Variants in NPEPPS observed in about 807,000 individuals in gnomAD.
The protein encoded by NPEPPS is puromycin-sensitive aminopeptidase.
In NPEPPS, 14 loss-of-function variants were observed where a neutral mutation model predicts 115.5. The ratio of observed to expected loss-of-function variants is 0.12; its 90% CI spans 0.08 to 0.19. The LOEUF (loss-of-function observed/expected upper bound fraction) is 0.19. Ranked by LOEUF, NPEPPS falls within the 10% of genes least tolerant of loss-of-function variation. NPEPPS has a pLI of 1.00. For synonymous variants in NPEPPS, 285 were observed against 390.6 expected (o/e 0.73, Z 3.19); for missense variants, 523 against 1,110.8 (o/e 0.47, Z 7.52).
intron 1 of NPEPPS, among the ~76,000 whole-genome samples, chr17:47,543,483 A>AT (rs1244034572): frequency 0.021 from 2,536 of 118,108 alleles, 90 homozygotes; most frequent in African/African-American, 0.068. Context: ...GGCCTGGCTA[A>AT]TTTTTTTTTT....
At chr17:47,544,741 G>T (rs1488990210) in intron 1 of NPEPPS, among the ~76,000 whole-genome samples, 1 of 137,672 alleles carries the variant, frequency 7.3e-6, no homozygotes, top group East Asian at 2.0e-4. Context: ...TGAGACGTAG[G>T]CTCACTCTGT....
chr17:47,552,930 A>G (rs1909750338), intron 2 of NPEPPS, among the ~76,000 whole-genome samples: 1 of 152,158 alleles, frequency 6.6e-6, no homozygotes. Flanking sequence ...AAACTGATAA[A>G]TGTTAGAGCC....
rs749565541 is a variant in NPEPPS, at chr17:47,621,911, C to T, written c.2751C>T (p.Pro917=). ...QYLLQRKASP[P]TV ...TCCTTCAGCGGAAGGCCTCACCACC[C>T]ACAGTGTGAATCCTGAGGTGCCGCC... Residue 917 remains proline, a synonymous_variant, in exon 23 of 23, where the codon CCC becomes CCT. Transcript: ENST00000322157. 6.2e-7 allele frequency: 1 copy of T among 1,611,794 alleles called. No individual in the cohort carries two copies. Among genetic ancestry groups the T allele is most frequent in the Non-Finnish European group, 8.5e-7 (1 of 1,178,868 alleles).
intron 2 of NPEPPS, among the ~76,000 whole-genome samples, chr17:47,567,585 T>A (rs1254992177): frequency 2.6e-5 from 4 of 152,064 alleles, no homozygotes; most frequent in Non-Finnish European, 5.9e-5. Context: ...TCTATTAATA[T>A]TTAAAGCATA....
At chr17:47,602,655 A>G (rs78015950) in intron 15 of NPEPPS, among the ~76,000 whole-genome samples, 1 of 151,076 alleles carries the variant, frequency 6.6e-6, no homozygotes. Flanking sequence ...AAAAAAAAAA[A>G]AGCCATTTTT....
At chr17:47,560,180 A>G (rs1265401674) in intron 2 of NPEPPS, among the ~76,000 whole-genome samples, 1 of 151,956 alleles carries the variant, frequency 6.6e-6, no homozygotes, top group Non-Finnish European at 1.5e-5. Flanking sequence ...ATTAGTTTGA[A>G]TTATATACTC....
chr17:47,586,307 T>G, intron 7 of NPEPPS, 58 bp from the exon 8 acceptor site: 2 of 1,138,416 alleles, frequency 1.8e-6, no homozygotes, highest in Non-Finnish European at 2.3e-6. Flanking sequence ...TGACTTTTGA[T>G]GCAAGAGTAT....
chr17:47,614,251 G>A (rs1452262064), intron 19 of NPEPPS, among the ~76,000 whole-genome samples: 2 of 152,166 alleles, frequency 1.3e-5, no homozygotes, highest in African/African-American at 4.8e-5. Flanking sequence ...TTACAGGCAT[G>A]AGCTACTGTG....
chr17:47,553,677 TAAC>T (rs1416021333), intron 2 of NPEPPS, among the ~76,000 whole-genome samples: 1 of 152,062 alleles, frequency 6.6e-6, no homozygotes, highest in Non-Finnish European at 1.5e-5. Flanking sequence ...AGTAAGAAAT[TAAC>T]AAAAGCTAAT....
In NPEPPS at chr17:47,546,043, G is replaced by T. The variant is rs1439269567; in HGVS notation, c.340+50G>T. 21 of 1,213,884 alleles carry T rather than the reference G, an allele frequency of 1.7e-5. No homozygotes were observed. The South Asian group carries it at 2.3e-4, about 13-fold the overall frequency. The allele number at this position is 1,213,884 out of a possible 1,614,324, so 75.2% of individuals were successfully genotyped here. A position where few individuals can be genotyped will look rare whatever the true frequency, so the allele number is the denominator to read the frequency against. ...TTGCTGTCTGCATGTGCATATGTGG[G>T]GTGTGTGTGTGTGTGTGTGTGTGTG... On this transcript the variant is annotated intron_variant, in intron 2 of 22. Transcript: ENST00000322157.
chr17:47,615,323 G>A (rs989013993), intron 19 of NPEPPS, among the ~76,000 whole-genome samples: 1 of 151,954 alleles, frequency 6.6e-6, no homozygotes, highest in Non-Finnish European at 1.5e-5. Flanking sequence ...TGATCCACCC[G>A]ACTCGGCCTC....
intron 2 of NPEPPS, among the ~76,000 whole-genome samples, chr17:47,559,970 T>A (rs536963853): frequency 6.6e-6 from 1 of 152,290 alleles, no homozygotes; most frequent in East Asian, 1.9e-4. Flanking sequence ...TAGCCTCAGC[T>A]TCTAAATCTG....
chr17:47,572,694 CA>C (rs1027830345), intron 3 of NPEPPS, among the ~76,000 whole-genome samples: 14 of 152,110 alleles, frequency 9.2e-5, no homozygotes, highest in African/African-American at 3.4e-4. Flanking sequence ...AGATAGAAAA[CA>C]GAAAAATAGA....
chr17:47,612,829 A>G (rs1913962252), intron 18 of NPEPPS, among the ~76,000 whole-genome samples: 1 of 151,922 alleles, frequency 6.6e-6, no homozygotes, highest in South Asian at 2.1e-4. Context: ...CGCCCAGCTA[A>G]TTTTTGTATT....
intron 21 of NPEPPS, 73 bp from the exon 22 acceptor site, chr17:47,619,664 T>G: frequency 8.0e-7 from 1 of 1,243,184 alleles, no homozygotes; most frequent in Non-Finnish European, 1.2e-6. Flanking sequence ...CAGAATGATT[T>G]ATTTTTAGGG....
intron 15 of NPEPPS, among the ~76,000 whole-genome samples, chr17:47,602,805 A>T (rs1437010239): frequency 6.6e-6 from 1 of 151,720 alleles, no homozygotes; most frequent in African/African-American, 2.4e-5. Flanking sequence ...CATGCCTGGC[A>T]TTGTTTTACT....
At chr17:47,562,247 G>A (rs1313621261) in intron 2 of NPEPPS, among the ~76,000 whole-genome samples, 1 of 152,234 alleles carries the variant, frequency 6.6e-6, no homozygotes, top group Middle Eastern at 3.2e-3. Flanking sequence ...TCTGGATGAG[G>A]CCTAGCCTTA....
At chr17:47,602,864 A>G (rs1913300849) in intron 15 of NPEPPS, among the ~76,000 whole-genome samples, 1 of 151,980 alleles carries the variant, frequency 6.6e-6, no homozygotes, top group Admixed American at 6.6e-5. Flanking sequence ...TACCATTTGA[A>G]ATTATAATCT....
intron 9 of NPEPPS, among the ~76,000 whole-genome samples, chr17:47,587,584 A>T (rs1597865290): frequency 6.6e-6 from 1 of 152,174 alleles, no homozygotes; most frequent in Non-Finnish European, 1.5e-5. Context: ...ATTTGTCTGC[A>T]AGTGGGAAAA....
Sources: gnomAD v4.1 joint callset for allele counts (sites outside exome capture counted in the v4.1 genomes callset) on GRCh38, gnomAD v4.1.1 for gene constraint, MANE v1.5 for transcripts, NCBI Gene and HGNC (gene_info 2026-07-23, HGNC 2026-07-21) for gene names.